EIF4EBP1: variants seen among roughly 807,000 people sequenced by gnomAD.
The protein encoded by EIF4EBP1 is eukaryotic translation initiation factor 4E-binding protein 1.
Under a neutral mutation model 9.2 loss-of-function variants are expected in EIF4EBP1, and 5 were observed. The observed-to-expected ratio is 0.54, with a 90% CI of 0.28 to 1.14. The LOEUF (loss-of-function observed/expected upper bound fraction) is 1.14, where lower values mean the gene tolerates loss of function less well. EIF4EBP1 is among the 50% of genes most tolerant of loss of function. The pLI, the probability that EIF4EBP1 is intolerant of heterozygous loss-of-function variation, is 0.09. For missense variants in EIF4EBP1, 139 were observed against 169.6 expected (o/e 0.82, Z 1.00); for synonymous variants, 62 against 67.0 (o/e 0.93, Z 0.36).
At chr8:38,047,085 C>T (rs183640069) in intron 1 of EIF4EBP1, among the ~76,000 whole-genome samples, 14 of 152,160 alleles carry the variant, frequency 9.2e-5, no homozygotes, top group Non-Finnish European at 1.9e-4. Flanking sequence ...TTCTCTGGGC[C>T]GGGGGTTTAG....
rs193196704 is a variant in EIF4EBP1 at position 38,055,719 on chromosome 8, G to A, written c.146-1362G>A. ...AGCTATAAAAAGATACAAAGGGGCC[G>A]GGCACGGTGGCTCACACCTGTAATC... On this transcript the variant is annotated intron_variant, in intron 1 of 2. Transcript: ENST00000338825. Among the ~76,000 whole-genome samples the A allele has an allele frequency of 2.7e-3, 415 of 152,134 alleles. 2 individuals are homozygous for A. Among genetic ancestry groups the A allele is most frequent in the Middle Eastern group, 0.01 (3 of 294 alleles).
At chr8:38,056,788 T>G (rs1414776407) in intron 1 of EIF4EBP1, among the ~76,000 whole-genome samples, 1 of 151,700 alleles carries the variant, frequency 6.6e-6, no homozygotes, top group Non-Finnish European at 1.5e-5. Flanking sequence ...CCCAGCCTCC[T>G]GAGTAGCTGG....
At chr8:38,049,248 G>A (rs757265659) in intron 1 of EIF4EBP1, among the ~76,000 whole-genome samples, 5 of 152,082 alleles carry the variant, frequency 3.3e-5, no homozygotes, top group South Asian at 2.1e-4. Flanking sequence ...TTGTGAAGGC[G>A]TCAAGGCACC....
At chr8:38,054,907 G>A (rs1450501727) in intron 1 of EIF4EBP1, among the ~76,000 whole-genome samples, 1 of 152,126 alleles carries the variant, frequency 6.6e-6, no homozygotes, top group Non-Finnish European at 1.5e-5. Context: ...GGGGTGCAAG[G>A]AGCAAGGTGC....
At chr8:38,044,532 G>T (rs937655145) in intron 1 of EIF4EBP1, among the ~76,000 whole-genome samples, 1 of 152,150 alleles carries the variant, frequency 6.6e-6, no homozygotes, top group Non-Finnish European at 1.5e-5. Flanking sequence ...TCAAACTCCT[G>T]GGCTAAAGCG....
At chr8:38,037,234 GGTCTAGTGTCTGGAA>G (rs1809316155) in intron 1 of EIF4EBP1, among the ~76,000 whole-genome samples, 2 of 152,130 alleles carry the variant, frequency 1.3e-5, no homozygotes, top group African/African-American at 4.8e-5. Context: ...CCTAATGCCA[GGTCTAGTGTCTGGAA>G]GGTGAAGAGT....
At chr8:38,052,322 G>GCAA (rs1248646131) in intron 1 of EIF4EBP1, among the ~76,000 whole-genome samples, 1 of 151,490 alleles carries the variant, frequency 6.6e-6, no homozygotes, top group East Asian at 1.9e-4. Flanking sequence ...GTCCAATGGT[G>GCAA]CAACCACTGC....
intron 1 of EIF4EBP1, among the ~76,000 whole-genome samples, chr8:38,052,529 G>A (rs935102978): frequency 1.3e-5 from 2 of 151,998 alleles, no homozygotes; most frequent in Non-Finnish European, 2.9e-5. Context: ...AGGAACTCAA[G>A]ACCTGCCTGG....
chr8:38,056,663 CTTT>C (rs575250125), intron 1 of EIF4EBP1, among the ~76,000 whole-genome samples: 2 of 130,744 alleles, frequency 1.5e-5, no homozygotes. Flanking sequence ...ACTACTCTGG[CTTT>C]TTTTTTTTTT....
intron 1 of EIF4EBP1, among the ~76,000 whole-genome samples, chr8:38,038,143 C>A (rs1184755978): frequency 6.6e-6 from 1 of 152,114 alleles, no homozygotes; most frequent in Non-Finnish European, 1.5e-5. Flanking sequence ...GGTGTGACTA[C>A]AATTTTTGAC....
At chr8:38,043,723 A>G (rs1165042908) in intron 1 of EIF4EBP1, among the ~76,000 whole-genome samples, 1 of 152,036 alleles carries the variant, frequency 6.6e-6, no homozygotes, top group African/African-American at 2.4e-5. Flanking sequence ...GATCGTCCCC[A>G]TCTGGTATCC....
At chr8:38,044,368 A>G (rs1809423481) in intron 1 of EIF4EBP1, among the ~76,000 whole-genome samples, 1 of 152,270 alleles carries the variant, frequency 6.6e-6, no homozygotes, top group Middle Eastern at 3.4e-3. Flanking sequence ...AAGCACCCAG[A>G]AGTCTAAGAC....
chr8:38,038,589 G>A (rs1232048539), intron 1 of EIF4EBP1, among the ~76,000 whole-genome samples: 4 of 149,398 alleles, frequency 2.7e-5, no homozygotes, highest in Non-Finnish European at 4.4e-5. Context: ...TGCAACCTCC[G>A]CCTCTCAGGC....
intron 1 of EIF4EBP1, among the ~76,000 whole-genome samples, chr8:38,034,643 C>G (rs562523797): frequency 1.6e-4 from 25 of 152,278 alleles, no homozygotes; most frequent in African/African-American, 6.0e-4. Flanking sequence ...GCCAAAGACC[C>G]GTACCTGGAT....
intron 1 of EIF4EBP1, among the ~76,000 whole-genome samples, chr8:38,031,787 C>G (rs917639815): frequency 6.6e-6 from 1 of 152,210 alleles, no homozygotes; most frequent in African/African-American, 2.4e-5. Flanking sequence ...GGGATCTTGT[C>G]CAGCCCTGCC....
At chr8:38,053,362 C>T (rs930835819) in intron 1 of EIF4EBP1, among the ~76,000 whole-genome samples, 2 of 151,492 alleles carry the variant, frequency 1.3e-5, no homozygotes, top group African/African-American at 4.9e-5. Flanking sequence ...CTTGTTCTGT[C>T]GCCCAGGCTG....
chr8:38,056,748 C>T (rs1809600325), intron 1 of EIF4EBP1, among the ~76,000 whole-genome samples: 1 of 151,448 alleles, frequency 6.6e-6, no homozygotes, highest in Non-Finnish European at 1.5e-5. Flanking sequence ...ACTGCAACCT[C>T]TGCCTCCCAG....
intron 1 of EIF4EBP1, among the ~76,000 whole-genome samples, chr8:38,038,499 C>T (rs553269753): frequency 1.3e-5 from 1 of 78,228 alleles, no homozygotes; most frequent in Non-Finnish European, 2.6e-5. Flanking sequence ...CAGAGCAAGA[C>T]TCCATCTCAA....
At chr8:38,045,076 C>T (rs970642961) in intron 1 of EIF4EBP1, among the ~76,000 whole-genome samples, 3 of 152,182 alleles carry the variant, frequency 2.0e-5, no homozygotes. Context: ...GTGATTTTCT[C>T]TTTAACAGCA....
Sources: gnomAD v4.1 joint callset for allele counts (sites outside exome capture counted in the v4.1 genomes callset) on GRCh38, gnomAD v4.1.1 for gene constraint, MANE v1.5 for transcripts, NCBI Gene and HGNC (gene_info 2026-07-23, HGNC 2026-07-21) for gene names.